Variants in ZNF415 observed in about 807,000 individuals in gnomAD.
ZNF415 encodes the protein zinc finger protein 415.
In ZNF415, 5 loss-of-function variants were observed where a neutral mutation model predicts 7.3. The observed-to-expected ratio is 0.69, with a 90% confidence interval of 0.36 to 1.44. The LOEUF is 1.44. Ranked by LOEUF, ZNF415 falls within the 40% of genes most tolerant of loss-of-function variation. The pLI is 0.04. For synonymous variants in ZNF415, 207 were observed against 226.3 expected, an observed-to-expected ratio of 0.91 and a Z score of 0.77; for missense variants, 628 against 664.8, an observed-to-expected ratio of 0.94 and a Z score of 0.61.
At chr19:53,121,924 A>C (rs2088147749) in intron 2 of ZNF415, among the ~76,000 whole-genome samples, 1 of 152,024 alleles carries the variant, frequency 6.6e-6, no homozygotes, top group South Asian at 2.1e-4. Flanking sequence ...TGCCTTTTCC[A>C]GGATTTACCA....
chr19:53,110,168 C>T (rs974825136), intron 3 of ZNF415, among the ~76,000 whole-genome samples: 1 of 152,130 alleles, frequency 6.6e-6, no homozygotes, highest in South Asian at 2.1e-4. Context: ...TACAAACCTA[C>T]GTTAGCCCTG....
chr19:53,131,685 AT>A (rs1295307096), intron 1 of ZNF415, among the ~76,000 whole-genome samples: 1 of 150,462 alleles, frequency 6.6e-6, no homozygotes, highest in Non-Finnish European at 1.5e-5. Context: ...TCTTCCCTCT[AT>A]TCTTTCTCTT....
chr19:53,122,238 C>T (rs546564217), intron 2 of ZNF415, among the ~76,000 whole-genome samples: 1 of 152,176 alleles, frequency 6.6e-6, no homozygotes, highest in East Asian at 1.9e-4. Context: ...AAGAATGAAA[C>T]TCCATCTCAA....
At chr19:53,125,795 G>A (rs56360960) in intron 1 of ZNF415, among the ~76,000 whole-genome samples, 1,545 of 152,004 alleles carry the variant, frequency 0.01, 31 homozygotes, top group African/African-American at 0.03. Context: ...AAAATTAGCC[G>A]GACATGGTGG....
chr19:53,118,853 A>T (rs1002356110), intron 2 of ZNF415, among the ~76,000 whole-genome samples: 4 of 152,196 alleles, frequency 2.6e-5, no homozygotes, highest in African/African-American at 7.2e-5. Context: ...AAGTAGAAAA[A>T]TTTCAAATAA....
At chr19:53,130,071 A>G (rs1423194623) in intron 1 of ZNF415, among the ~76,000 whole-genome samples, 2 of 151,760 alleles carry the variant, frequency 1.3e-5, no homozygotes, top group African/African-American at 4.8e-5. Flanking sequence ...GCTCACAAAA[A>G]AAAAAAAAAA....
intron 1 of ZNF415, among the ~76,000 whole-genome samples, chr19:53,126,722 C>CT (rs1182756241): frequency 1.6e-5 from 2 of 124,588 alleles, no homozygotes; most frequent in African/African-American, 5.4e-5. Context: ...AGAAAGACTC[C>CT]TTTCCCTAAA....
At chr19:53,126,037 C>A in intron 1 of ZNF415, among the ~76,000 whole-genome samples, 1 of 148,506 alleles carries the variant, frequency 6.7e-6, no homozygotes, top group Admixed American at 6.7e-5. Context: ...AAAAAAAGAG[C>A]CTGGCACATG....
Position 53,109,725 on chromosome 19 carries a change from C to G in ZNF415, c.320G>C (p.Cys107Ser), listed in dbSNP as rs1326959339. 6.2e-7 allele frequency: 1 copy of G among 1,613,900 alleles called. No individual in the cohort carries two copies. The highest frequency in any genetic ancestry group is 2.2e-5 in the East Asian group (1 of 44,866). ...TTTTGGGGCCGTAGTCACTTTGTTGCAATTTCTTTCATCATCTCTCCACTG... is the reference window on the plus strand; with the variant it reads ...TTTTGGGGCCGTAGTCACTTTGTTGGAATTTCTTTCATCATCTCTCCACTG... The part of the protein sequence containing the change: ...DCQWRDDERN[C>S]NKVTTAPKEN... Residue 107 changes from cysteine to serine, a missense_variant, in exon 4 of 4, where the codon TGC becomes TCC. Coordinates refer to ENST00000243643, the MANE Select transcript of ZNF415 (RefSeq NM_018355.4).
intron 1 of ZNF415, chr19:53,123,876 T>A (rs758514040): frequency 3.6e-6 from 1 of 277,568 alleles, no homozygotes. Context: ...GGGGAATGCA[T>A]CTAGGGAGTC....
rs893604528 is a variant in ZNF415 at position 53,116,534 on chromosome 19, T to C, written c.16-101A>G. On this transcript the variant is annotated intron_variant, in intron 2 of 3. Coordinates refer to ENST00000243643, the MANE Select transcript of ZNF415 (RefSeq NM_018355.4). ...AAAGAGAATTTAAGTATAGATTTAATTGAAGTGTGTGTTCTGATAAATCCA... is the reference window on the plus strand; with the variant it reads ...AAAGAGAATTTAAGTATAGATTTAACTGAAGTGTGTGTTCTGATAAATCCA... 22 of 1,474,628 alleles carry C rather than the reference T, an allele frequency of 1.5e-5. No homozygotes were observed. In the Admixed American group the frequency reaches 3.1e-4, roughly 21 times the overall value. 91.3% of individuals were successfully genotyped at this position (1,474,628 alleles called of 1,614,324 possible). A position where few individuals can be genotyped will look rare whatever the true frequency, so the allele number is the denominator to read the frequency against.
chr19:53,131,020 A>C (rs2090000188), intron 1 of ZNF415, among the ~76,000 whole-genome samples: 1 of 150,930 alleles, frequency 6.6e-6, no homozygotes, highest in Admixed American at 6.6e-5. Flanking sequence ...AGCCCAACAC[A>C]AATTCCTAAA....
chr19:53,132,102 C>T (rs2090152363), intron 1 of ZNF415, among the ~76,000 whole-genome samples: 1 of 152,164 alleles, frequency 6.6e-6, no homozygotes, highest in African/African-American at 2.4e-5. Context: ...TTTTCTCTCC[C>T]TGCTACTTTC....
chr19:53,117,367 G>C (rs12974385), intron 2 of ZNF415, among the ~76,000 whole-genome samples: 23,947 of 150,470 alleles, frequency 0.16, 2,278 homozygotes, highest in Middle Eastern at 0.23. Context: ...CTTGAATCTG[G>C]GAGGTGGAGG....
intron 1 of ZNF415, among the ~76,000 whole-genome samples, chr19:53,125,670 C>A (rs1209679597): frequency 6.7e-6 from 1 of 150,268 alleles, no homozygotes; most frequent in African/African-American, 2.4e-5. Flanking sequence ...TGGAGCCAGG[C>A]GCGGTGGCTC....
At chr19:53,113,234 C>T (rs1332926034) in intron 3 of ZNF415, among the ~76,000 whole-genome samples, 2 of 27,706 alleles carry the variant, frequency 7.2e-5, no homozygotes, top group African/African-American at 2.5e-4. Context: ...ATTGGCCGGG[C>T]GCGGTGGCTC....
In ZNF415 at chr19:53,113,711, G is replaced by T. The variant is rs550945530; in HGVS notation, c.136+2602C>A. The stretch of plus-strand genomic sequence containing the variant: ...CAATGGTGCACACAGGATGGAAAAT[G>T]AACAAATGTGGTGTGAACAATAGTT... On this transcript the variant is annotated intron_variant, in intron 3 of 3. Coordinates refer to ENST00000243643, the MANE Select transcript of ZNF415 (RefSeq NM_018355.4). Among the ~76,000 whole-genome samples the T allele has an allele frequency of 1.1e-3, 167 of 152,252 alleles. 1 individual carries two copies. The highest frequency in any genetic ancestry group is 3.6e-3 in the African/African-American group (150 of 41,552).
rs111590269 is a variant in ZNF415, at chr19:53,125,106, T to C, written c.-67-2363A>G. Among the ~76,000 whole-genome samples, 1,396 of 152,082 alleles carry C rather than the reference T, an allele frequency of 9.2e-3. 34 individuals are homozygous for C. Among genetic ancestry groups the C allele is most frequent in the African/African-American group, 0.031 (1,298 of 41,412 alleles). The stretch of plus-strand genomic sequence containing the variant: ...GTCACCAGGTTGGAGTGCAGTGGCG[T>C]GATCTCGGCTCACTGCAACCTCCGC... On this transcript the variant is annotated intron_variant, in intron 1 of 3. Transcript: ENST00000243643.
chr19:53,126,654 G>C lies in ZNF415; in HGVS notation c.-67-3911C>G, dbSNP rs192327672. 1.1e-3 allele frequency among the ~76,000 whole-genome samples: 148 copies of C among 130,532 alleles called. 9 individuals carry two copies. Among genetic ancestry groups the C allele is most frequent in the African/African-American group, 3.5e-3 (136 of 39,368 alleles). The allele number at this position is 130,532 out of a possible 152,430, so 85.6% of individuals were successfully genotyped here. On this transcript the variant is annotated intron_variant, in intron 1 of 3. Coordinates refer to ENST00000243643, the MANE Select transcript of ZNF415 (RefSeq NM_018355.4). Reference sequence around the variant, plus strand: ...GGAAGCATTAGTTTCCCATCATAGAGAGGACAATGGGGAAAGGGAGAAGCG... The same window carrying C: ...GGAAGCATTAGTTTCCCATCATAGACAGGACAATGGGGAAAGGGAGAAGCG...
Sources: allele counts gnomAD v4.1 joint callset (sites outside exome capture counted in the v4.1 genomes callset), GRCh38; gene constraint gnomAD v4.1.1; transcripts MANE v1.5; gene names NCBI Gene and HGNC (gene_info 2026-07-23, HGNC 2026-07-21).